The following PELI1 variants were observed in gnomAD, a reference collection of about 807,000 sequenced individuals.
PELI1 encodes E3 ubiquitin-protein ligase pellino homolog 1.
PELI1 carries 15 observed loss-of-function variants against 41.3 expected under a neutral mutation model. That is an observed-to-expected ratio of 0.36 (90% confidence interval 0.24 to 0.56). The LOEUF (loss-of-function observed/expected upper bound fraction) is 0.56. Ranked by LOEUF, PELI1 falls within the 20% of genes least tolerant of loss-of-function variation. The pLI is 0.82. For missense variants in PELI1, 403 were observed against 525.5 expected, an observed-to-expected ratio of 0.77 and a Z score of 2.28; for synonymous variants, 178 against 180.1, an observed-to-expected ratio of 0.99 and a Z score of 0.09.
chr2:64,135,647 A>G (rs1318319304), intron 1 of PELI1, among the ~76,000 whole-genome samples: 2 of 152,228 alleles, frequency 1.3e-5, no homozygotes, highest in African/African-American at 4.8e-5. Flanking sequence ...GTATCTTGCA[A>G]TGCACAAGCT....
intron 4 of PELI1, among the ~76,000 whole-genome samples, chr2:64,098,420 C>T (rs1347949499): frequency 6.6e-6 from 1 of 152,206 alleles, no homozygotes; most frequent in African/African-American, 2.4e-5. Context: ...CAAGCTACAA[C>T]AGCTTATTCG....
chr2:64,135,042 G>T (rs1333723842), intron 1 of PELI1, among the ~76,000 whole-genome samples: 3 of 152,068 alleles, frequency 2.0e-5, no homozygotes, highest in African/African-American at 7.2e-5. Flanking sequence ...GACTGTCAAA[G>T]AGATGCTCAA....
chr2:64,127,066 C>T (rs1681412947), intron 1 of PELI1, among the ~76,000 whole-genome samples: 2 of 152,126 alleles, frequency 1.3e-5, no homozygotes, highest in Admixed American at 1.3e-4. Context: ...AAAGAAAAAT[C>T]TCTTTATACT....
intron 2 of PELI1, 94 bp from the exon 3 acceptor site, chr2:64,104,924 T>A: frequency 9.7e-7 from 1 of 1,026,064 alleles, no homozygotes. Flanking sequence ...CAATTCCCAA[T>A]TAATTATCTA....
intron 1 of PELI1, among the ~76,000 whole-genome samples, chr2:64,127,830 G>A (rs1385735687): frequency 6.6e-6 from 1 of 152,058 alleles, no homozygotes; most frequent in Non-Finnish European, 1.5e-5. Context: ...TAACCACACT[G>A]TTAGGACTGA....
chr2:64,136,604 T>C (rs1401719792), intron 1 of PELI1, among the ~76,000 whole-genome samples: 2 of 152,222 alleles, frequency 1.3e-5, no homozygotes, highest in African/African-American at 4.8e-5. Context: ...TTTTAAATGA[T>C]TGGTTAAAAA....
Position 64,100,457 on chromosome 2 carries a change from A to G in PELI1, c.244T>C (p.Ser82Pro). ...TCAACCACCACAGTCTGGGCCCGAG[A>G]TAAAGTATATGATATGCTATGCTGG... is the stretch of plus-strand genomic sequence containing the variant. ...KDQHSISYTL[S>P]RAQTVVVEYT... is the part of the protein sequence containing the mutation. Residue 82 changes from serine (S) to proline (P), a missense_variant, in exon 4 of 7, where the codon TCT becomes CCT. Coordinates refer to ENST00000358912, the MANE Select transcript of PELI1 (RefSeq NM_020651.4). 1 of 1,591,852 alleles carries G rather than the reference A, an allele frequency of 6.3e-7. No individual in the cohort carries two copies. The highest frequency in any genetic ancestry group is 8.6e-7 in the Non-Finnish European group (1 of 1,159,862).
chr2:64,101,329 T>TAA (rs538288635), intron 3 of PELI1, among the ~76,000 whole-genome samples: 3 of 139,862 alleles, frequency 2.1e-5, no homozygotes, highest in African/African-American at 2.6e-5. Flanking sequence ...GAAAAAAATT[T>TAA]AAAAAAAAAA....
chr2:64,102,479 C>A (rs1680476461), intron 3 of PELI1, among the ~76,000 whole-genome samples: 1 of 152,200 alleles, frequency 6.6e-6, no homozygotes, highest in African/African-American at 2.4e-5. Context: ...CTCAAGTGAT[C>A]TTCCTGCCTC....
rs1023500246 is a variant in PELI1 at position 64,106,964 on chromosome 2, G to A, written c.71+1276C>T. Reference sequence around the variant, plus strand: ...TTTTTTCGAGACGGAGTCTTGCTCTGTTGCCCAGGTTGGAGTGCAGTGGCG... The same window carrying A: ...TTTTTTCGAGACGGAGTCTTGCTCTATTGCCCAGGTTGGAGTGCAGTGGCG... On this transcript the variant is annotated intron_variant, in intron 2 of 6. Coordinates refer to ENST00000358912, the MANE Select transcript of PELI1 (RefSeq NM_020651.4). 4.5e-4 allele frequency among the ~76,000 whole-genome samples: 68 copies of A among 152,162 alleles called. 1 individual carries two copies. Among genetic ancestry groups the A allele is most frequent in the Admixed American group, 2.7e-3 (42 of 15,276 alleles).
intron 1 of PELI1, among the ~76,000 whole-genome samples, chr2:64,140,642 A>G (rs1390641715): frequency 2.0e-5 from 3 of 152,008 alleles, no homozygotes; most frequent in African/African-American, 4.8e-5. Context: ...CCTGACATCC[A>G]TTCAAGAAAC....
At chr2:64,109,632 A>T (rs1281931173) in intron 1 of PELI1, among the ~76,000 whole-genome samples, 2 of 152,204 alleles carry the variant, frequency 1.3e-5, no homozygotes, top group Non-Finnish European at 2.9e-5. Context: ...GTGAGCCGAG[A>T]TCAGTGCCAC....
chr2:64,129,833 C>T lies in PELI1; in HGVS notation c.-70+14248G>A, dbSNP rs563641427. Among the ~76,000 whole-genome samples, 175 of 152,224 alleles carry T rather than the reference C, an allele frequency of 1.1e-3. 1 individual carries two copies. Among genetic ancestry groups the T allele is most frequent in the African/African-American group, 3.9e-3 (162 of 41,538 alleles). On this transcript the variant is annotated intron_variant, in intron 1 of 6. Coordinates refer to ENST00000358912, the MANE Select transcript of PELI1 (RefSeq NM_020651.4). ...GTCTACAATTGCTTGTATTGATGAT[C>T]CACATAAAGTCACAGGAATTTCTTA...
chr2:64,128,566 T>C (rs1001972924), intron 1 of PELI1, among the ~76,000 whole-genome samples: 1 of 152,142 alleles, frequency 6.6e-6, no homozygotes, highest in African/African-American at 2.4e-5. Flanking sequence ...AAATTTTACA[T>C]TTCTAACTAG....
At position 64,093,373 on chromosome 2, in the gene PELI1, A is replaced by T. The variant is rs189108128; in HGVS notation, c.*1329T>A. The T allele has an allele frequency of 6.5e-6, 1 of 152,800 alleles. No homozygotes were observed. Among genetic ancestry groups the T allele is most frequent in the Admixed American group, 6.5e-5 (1 of 15,308 alleles). 9.5% of individuals were successfully genotyped at this position (152,800 alleles called of 1,614,324 possible). A position where few individuals can be genotyped will look rare whatever the true frequency, so the allele number is the denominator to read the frequency against. ...AAGATACTGTCTAATCTAAAAGTGT[A>T]CTGGTTTCTACAAGTGTCAAAAAAA... On this transcript the variant is annotated 3_prime_UTR_variant, in exon 7 of 7. Coordinates refer to ENST00000358912, the MANE Select transcript of PELI1 (RefSeq NM_020651.4).
intron 4 of PELI1, among the ~76,000 whole-genome samples, chr2:64,097,976 TC>T (rs142155197): frequency 0.041 from 6,218 of 152,200 alleles, 138 homozygotes; most frequent in African/African-American, 0.073. Context: ...ATAAAAAGGC[TC>T]TTTAAAAGCT....
intron 1 of PELI1, among the ~76,000 whole-genome samples, chr2:64,111,784 T>C (rs1558478072): frequency 6.6e-6 from 1 of 152,184 alleles, no homozygotes; most frequent in Non-Finnish European, 1.5e-5. Flanking sequence ...CATACTTTAG[T>C]ATATAAACAT....
At chr2:64,130,079 AATC>A in intron 1 of PELI1, among the ~76,000 whole-genome samples, 1 of 152,194 alleles carries the variant, frequency 6.6e-6, no homozygotes, top group East Asian at 1.9e-4. Context: ...TGAGATTTTG[AATC>A]ATGTGTCTTT....
In PELI1 at chr2:64,096,459, C is replaced by T. The variant is rs767282775; in HGVS notation, c.455G>A (p.Arg152Gln). ...ICERNPPFTA[R>Q]IYAAGFDSSK... ...TGAGTCAAATCCTGCAGCATAAATC[C>T]GTGCTGTAAAGGGAGGATTCCGTTC... Residue 152 changes from arginine to glutamine, a missense_variant, in exon 5 of 7, where the codon CGG becomes CAG. Arg to Gln is a conservative substitution (Grantham distance 43). Coordinates refer to ENST00000358912, the MANE Select transcript of PELI1 (RefSeq NM_020651.4). 8.1e-6 allele frequency: 13 copies of T among 1,613,494 alleles called. No homozygotes were observed. The highest frequency in any genetic ancestry group is 1.6e-4 in the Middle Eastern group (1 of 6,084).
Sources: gnomAD v4.1 joint callset for allele counts (sites outside exome capture counted in the v4.1 genomes callset) on GRCh38, gnomAD v4.1.1 for gene constraint, MANE v1.5 for transcripts, NCBI Gene and HGNC (gene_info 2026-07-23, HGNC 2026-07-21) for gene names.